CCDC138: variants seen among roughly 807,000 people sequenced by gnomAD.
The protein encoded by CCDC138 is coiled-coil domain-containing protein 138.
In CCDC138, 66 loss-of-function variants were observed where a neutral mutation model predicts 82.3. The observed-to-expected ratio is 0.80, with a 90% CI of 0.66 to 0.98. CCDC138 has a LOEUF of 0.98. CCDC138 is among the 50% of genes least tolerant of loss of function. The pLI, the probability that CCDC138 is intolerant of heterozygous loss-of-function variation, is 0.00. For missense variants in CCDC138, 816 were observed against 758.9 expected (o/e 1.08, Z -0.88); for synonymous variants, 297 against 265.4 (o/e 1.12, Z -1.16).
chr2:108,819,862 A>G (rs1685365808), intron 10 of CCDC138, among the ~76,000 whole-genome samples: 1 of 81,830 alleles, frequency 1.2e-5, no homozygotes, highest in South Asian at 3.9e-4. Context: ...AGAAATGCAG[A>G]TCTCTGAACT....
rs1164144573 is a variant in CCDC138, at chr2:108,847,690, C to CTGTCTT, written c.1516+761_1516+766dup. 3.9e-5 allele frequency among the ~76,000 whole-genome samples: 6 copies of CTGTCTT among 152,120 alleles called. No individual in the cohort carries two copies. In the East Asian group the frequency reaches 5.8e-4, roughly 15 times the overall value. ...GTCAGGCAATAAATATACCATCTTT[C>CTGTCTT]TGTCTTCCCTGTTTGTTAAATTTTT... On this transcript the variant is annotated intron_variant, in intron 12 of 14. Transcript: ENST00000295124.
rs1183242582 is a variant in CCDC138, at chr2:108,846,854, A to G, written c.1440A>G (p.Thr480=). 1 of 1,613,816 alleles carries G rather than the reference A, an allele frequency of 6.2e-7. No individual in the cohort carries two copies. The highest frequency in any genetic ancestry group is 2.2e-5 in the East Asian group (1 of 44,848). ...PQHSVENKPK[T]AAFFKSSNLP... ...ATTCTGTGGAGAATAAACCAAAGAC[A>G]GCTGCTTTCTTTAAGAGCTCCAATT... The change falls in exon 12 of 15, where the codon ACA becomes ACG. Residue 480 remains threonine, a synonymous_variant. Transcript: ENST00000295124.
chr2:108,819,798 C>G (rs769116797), intron 10 of CCDC138, among the ~76,000 whole-genome samples: 2 of 152,106 alleles, frequency 1.3e-5, no homozygotes, highest in African/African-American at 2.4e-5. Flanking sequence ...TACAAAGGAA[C>G]AGGGACATTG....
At chr2:108,853,218 C>T (rs541726718) in intron 12 of CCDC138, among the ~76,000 whole-genome samples, 3 of 152,202 alleles carry the variant, frequency 2.0e-5, no homozygotes, top group East Asian at 1.9e-4. Context: ...AGTCATTGTA[C>T]TTGATTGTTT....
intron 9 of CCDC138, among the ~76,000 whole-genome samples, chr2:108,815,384 TC>T (rs1392504037): frequency 2.0e-5 from 3 of 151,936 alleles, no homozygotes; most frequent in Non-Finnish European, 2.9e-5. Flanking sequence ...TATTCCAACT[TC>T]CTGATTATGA....
downstream of CCDC138, among the ~76,000 whole-genome samples, chr2:108,880,204 CAACAACAAACAAAAACAAACAAA>C (rs1696251682): frequency 1.3e-5 from 1 of 75,506 alleles, no homozygotes; most frequent in Admixed American, 1.8e-4. Flanking sequence ...AAAAAAAAAA[CAACAACAAACAAAAACAAACAAA>C]AAAAAAAACG....
chr2:108,808,721 G>T (rs1490279393), intron 7 of CCDC138, among the ~76,000 whole-genome samples: 1 of 152,026 alleles, frequency 6.6e-6, no homozygotes, highest in Non-Finnish European at 1.5e-5. Flanking sequence ...TTTTTTTGCT[G>T]TTGAGTTCCT....
At chr2:108,877,187 G>T (rs980186363), downstream of CCDC138, among the ~76,000 whole-genome samples, 1 of 152,120 alleles carries the variant, frequency 6.6e-6, no homozygotes, top group African/African-American at 2.4e-5. Context: ...AATGCAGAAG[G>T]CCAGGCGCGG....
At chr2:108,803,198 C>T (rs1265788875) in intron 6 of CCDC138, among the ~76,000 whole-genome samples, 1 of 152,220 alleles carries the variant, frequency 6.6e-6, no homozygotes, top group South Asian at 2.1e-4. Flanking sequence ...ATTCTCCAAG[C>T]GTTTGCTCTA....
At chr2:108,819,727 A>G (rs573925564) in intron 10 of CCDC138, among the ~76,000 whole-genome samples, 6 of 152,304 alleles carry the variant, frequency 3.9e-5, no homozygotes, top group African/African-American at 1.2e-4. Flanking sequence ...AGACTCAGAA[A>G]GGTATTTGTT....
At chr2:108,832,065 T>C (rs1401572438) in intron 10 of CCDC138, among the ~76,000 whole-genome samples, 1 of 151,708 alleles carries the variant, frequency 6.6e-6, no homozygotes, top group Non-Finnish European at 1.5e-5. Flanking sequence ...AGTCTCACTC[T>C]GTCGCCCAGG....
rs551862790 is a variant in CCDC138 at position 108,837,526 on chromosome 2, A to C, written c.1207-1659A>C. On this transcript the variant is annotated intron_variant, in intron 10 of 14. Transcript: ENST00000295124. ...GAAAAAAAGAATATAAAAAGAAAAC[A>C]GATTATAATGGAGCTGAAAATTTCC... 7.2e-5 allele frequency among the ~76,000 whole-genome samples: 11 copies of C among 152,338 alleles called. No individual in the cohort carries two copies. In the South Asian group the frequency reaches 2.1e-3, roughly 29 times the overall value.
intron 3 of CCDC138, among the ~76,000 whole-genome samples, chr2:108,790,662 C>G (rs1205235194): frequency 6.6e-6 from 1 of 152,216 alleles, no homozygotes. Flanking sequence ...GATCGCGCCA[C>G]TGCACTGCAA....
intron 13 of CCDC138, among the ~76,000 whole-genome samples, chr2:108,863,501 A>G (rs1174180953): frequency 6.6e-6 from 1 of 152,216 alleles, no homozygotes; most frequent in Non-Finnish European, 1.5e-5. Context: ...GAACCAGGAA[A>G]CAAGCTGGGG....
At chr2:108,868,979 C>T (rs1303124677) in intron 13 of CCDC138, among the ~76,000 whole-genome samples, 3 of 152,098 alleles carry the variant, frequency 2.0e-5, no homozygotes, top group Non-Finnish European at 2.9e-5. Flanking sequence ...TGAATTAACA[C>T]AGACTATACT....
chr2:108,854,037 A>ATTTT (rs371340927), intron 12 of CCDC138, among the ~76,000 whole-genome samples: 25 of 69,310 alleles, frequency 3.6e-4, no homozygotes, highest in African/African-American at 4.7e-4. Flanking sequence ...TATTATATAT[A>ATTTT]ATATATAATA....
Position 108,876,212 on chromosome 2 carries a change from T to C in CCDC138, c.1957T>C (p.Leu653=). 1 of 1,613,108 alleles carries C rather than the reference T, an allele frequency of 6.2e-7. No homozygotes were observed. The highest frequency in any genetic ancestry group is 8.5e-7 in the Non-Finnish European group (1 of 1,179,446). Residue 653 remains leucine, a synonymous_variant, in exon 15 of 15, where the codon TTA becomes CTA. Coordinates refer to ENST00000295124, the MANE Select transcript of CCDC138 (RefSeq NM_144978.3). ...AAATTCAACTCTGTTCAATCTGGGTTTAACAAAATGTAACTCCCTGGTCTC... is the reference window on the plus strand; with the variant it reads ...AAATTCAACTCTGTTCAATCTGGGTCTAACAAAATGTAACTCCCTGGTCTC... ...NLNSTLFNLG[L]TKCNSLVSSA... is the part of the protein sequence containing the mutation.
At chr2:108,838,722 C>T (rs908309570) in intron 10 of CCDC138, among the ~76,000 whole-genome samples, 1 of 152,016 alleles carries the variant, frequency 6.6e-6, no homozygotes, top group African/African-American at 2.4e-5. Context: ...TTTCTGAAAT[C>T]CAGCATTTTA....
At chr2:108,798,708 T>TACACACACACACAAACAC (rs1171295593) in intron 6 of CCDC138, 122 bp downstream of exon 6, 6 of 429,066 alleles carry the variant, frequency 1.4e-5, no homozygotes, top group Non-Finnish European at 2.5e-5. Flanking sequence ...TCTCCACGCC[T>TACACACACACACAAACAC]ACACACACAC....
Sources: allele counts gnomAD v4.1 joint callset (sites outside exome capture counted in the v4.1 genomes callset), GRCh38; gene constraint gnomAD v4.1.1; transcripts MANE v1.5; gene names NCBI Gene and HGNC (gene_info 2026-07-23, HGNC 2026-07-21).